The following ORC4 variants were observed in gnomAD, a reference collection of about 807,000 sequenced individuals.
ORC4 encodes origin recognition complex, subunit 4 homolog.
In ORC4, 55 loss-of-function variants were observed where a neutral mutation model predicts 63.9. The observed-to-expected ratio is 0.86, with a 90% CI of 0.69 to 1.08. The LOEUF (loss-of-function observed/expected upper bound fraction) is 1.08. Ranked by LOEUF, ORC4 falls within the 50% of genes least tolerant of loss-of-function variation. The probability of loss-of-function intolerance (pLI) is 0.00; values close to 1 mark genes in which losing one functional copy is unlikely to be tolerated. For synonymous variants in ORC4, 150 were observed against 168.5 expected (o/e 0.89, Z 0.85); for missense variants, 511 against 504.4 (o/e 1.01, Z -0.13).
intron 9 of ORC4, 64 bp downstream of exon 9, chr2:147,947,987 T>G: frequency 7.7e-7 from 1 of 1,292,852 alleles, no homozygotes; most frequent in Non-Finnish European, 1.1e-6. Flanking sequence ...TTTCTAAAAT[T>G]TGTGTTTTAA....
intron 1 of ORC4, among the ~76,000 whole-genome samples, chr2:148,018,725 C>A (rs1693472775): frequency 6.6e-6 from 1 of 152,018 alleles, no homozygotes; most frequent in African/African-American, 2.4e-5. Context: ...ACAGGCAAAA[C>A]GAACCTAAAT....
Position 147,932,174 on chromosome 2 carries a change from G to C in ORC4, c.*3336C>G, listed in dbSNP as rs1173082403. On this transcript the variant is annotated 3_prime_UTR_variant, in exon 14 of 14. Coordinates refer to ENST00000392857, the MANE Select transcript of ORC4 (RefSeq NM_181741.4). ...TATACACCAACAACAGACAAACAGA[G>C]AGCCAAATCATGAGTGAACTCCCAT... The C allele has an allele frequency of 6.7e-6, 1 of 148,882 alleles. No individual in the cohort carries two copies. Among genetic ancestry groups the C allele is most frequent in the African/African-American group, 2.5e-5 (1 of 40,660 alleles). 9.2% of individuals were successfully genotyped at this position (148,882 alleles called of 1,614,324 possible).
rs939129723 is a variant in ORC4 at position 147,934,108 on chromosome 2, T to G, written c.*1402A>C. On this transcript the variant is annotated 3_prime_UTR_variant, in exon 14 of 14. Coordinates refer to ENST00000392857, the MANE Select transcript of ORC4 (RefSeq NM_181741.4). ...GCACTGGCTTTGGTGCTAAACTGAGTTGAATTCCAAGCCTGTTGGCCATTC... is the reference window on the plus strand; with the variant it reads ...GCACTGGCTTTGGTGCTAAACTGAGGTGAATTCCAAGCCTGTTGGCCATTC... The G allele has an allele frequency of 1.3e-5, 2 of 152,162 alleles. No individual in the cohort carries two copies. Among genetic ancestry groups the G allele is most frequent in the African/African-American group, 4.8e-5 (2 of 41,440 alleles). 9.4% of individuals were successfully genotyped at this position (152,162 alleles called of 1,614,324 possible).
intron 1 of ORC4, among the ~76,000 whole-genome samples, chr2:147,997,359 A>G (rs1408158565): frequency 3.9e-5 from 6 of 152,174 alleles, no homozygotes; most frequent in Non-Finnish European, 8.8e-5. Context: ...TAGAATGTAC[A>G]AAACAAAGAA....
chr2:147,972,957 C>A, intron 3 of ORC4, 128 bp from the exon 4 acceptor site: 1 of 650,430 alleles, frequency 1.5e-6, no homozygotes. Flanking sequence ...GGGTACTTGG[C>A]CTAGCTTCTG....
chr2:148,020,711 T>G lies in ORC4; in HGVS notation c.-96A>C, dbSNP rs1693659962. 1 of 152,448 alleles carries G rather than the reference T, an allele frequency of 6.6e-6. No individual in the cohort carries two copies. Among genetic ancestry groups the G allele is most frequent in the Non-Finnish European group, 1.5e-5 (1 of 68,222 alleles). 9.4% of individuals were successfully genotyped at this position (152,448 alleles called of 1,614,324 possible). A position where few individuals can be genotyped will look rare whatever the true frequency, so the allele number is the denominator to read the frequency against. ...GCCGCGTCCTCTGCTAGACTTCACCTGCCGCTGCGGACCGTACACAACCAC... is the reference window on the plus strand; with the variant it reads ...GCCGCGTCCTCTGCTAGACTTCACCGGCCGCTGCGGACCGTACACAACCAC... On this transcript the variant is annotated 5_prime_UTR_variant, in exon 1 of 14. Coordinates refer to ENST00000392857, the MANE Select transcript of ORC4 (RefSeq NM_181741.4).
At chr2:148,007,987 C>A (rs891678327) in intron 1 of ORC4, among the ~76,000 whole-genome samples, 5 of 152,146 alleles carry the variant, frequency 3.3e-5, no homozygotes, top group African/African-American at 1.2e-4. Flanking sequence ...CAAGTAACCA[C>A]GGTTTTTGTA....
chr2:147,938,311 T>C lies in ORC4; in HGVS notation c.1041A>G (p.Gln347=), dbSNP rs1688171194. 1 of 1,605,874 alleles carries C rather than the reference T, an allele frequency of 6.2e-7. No homozygotes were observed. Among genetic ancestry groups the C allele is most frequent in the Non-Finnish European group, 8.5e-7 (1 of 1,173,256 alleles). ...DIYEEEPFNF[Q]MVYNEFQKFV... is the part of the protein sequence containing the mutation. ...GTCTCATCTCACCATTATAGACCAT[T>C]TGAAAATTAAATGGCTCTTCCTCAT... is the stretch of plus-strand genomic sequence containing the variant. The change falls in exon 12 of 14, where the codon CAA becomes CAG. Residue 347 remains glutamine (Q), a synonymous_variant. Transcript: ENST00000392857.
At chr2:148,001,081 T>C (rs1692271991) in intron 1 of ORC4, among the ~76,000 whole-genome samples, 1 of 152,124 alleles carries the variant, frequency 6.6e-6, no homozygotes, top group African/African-American at 2.4e-5. Context: ...AGCTACCTTG[T>C]CCAACATCAC....
intron 1 of ORC4, among the ~76,000 whole-genome samples, chr2:147,983,358 CTT>C (rs1691002132): frequency 6.6e-6 from 1 of 152,206 alleles, no homozygotes; most frequent in South Asian, 2.1e-4. Flanking sequence ...TCCACTGATG[CTT>C]TGTCACTGAA....
At chr2:147,946,094 A>C (rs1688643257) in intron 9 of ORC4, among the ~76,000 whole-genome samples, 1 of 152,112 alleles carries the variant, frequency 6.6e-6, no homozygotes, top group Non-Finnish European at 1.5e-5. Context: ...TAGATTAGTT[A>C]TGCTACTAAC....
intron 4 of ORC4, among the ~76,000 whole-genome samples, chr2:147,971,737 A>G (rs948403515): frequency 6.6e-6 from 1 of 152,240 alleles, no homozygotes; most frequent in Middle Eastern, 3.4e-3. Context: ...TAGTGATTAT[A>G]GAAGCTGAGT....
intron 1 of ORC4, among the ~76,000 whole-genome samples, chr2:147,992,849 A>C (rs1691704953): frequency 6.6e-6 from 1 of 152,178 alleles, no homozygotes; most frequent in Non-Finnish European, 1.5e-5. Context: ...AGTCCACAGA[A>C]ACCAGAACTC....
intron 1 of ORC4, among the ~76,000 whole-genome samples, chr2:148,009,956 A>G (rs1354001208): frequency 2.0e-5 from 3 of 152,200 alleles, no homozygotes; most frequent in African/African-American, 7.2e-5. Flanking sequence ...AGAAATCCAA[A>G]AAGAGCACCA....
At chr2:148,021,432 T>C, upstream of ORC4, 1 of 546,522 alleles carries the variant, frequency 1.8e-6, no homozygotes, top group South Asian at 1.5e-5. Context: ...ACCAAAAGCC[T>C]CTTAGCAACA....
In ORC4 at chr2:147,938,143, T is replaced by C. The variant is rs1688158527; in HGVS notation, c.1122+3A>G. On this transcript the variant is annotated splice_donor_region_variant and intron_variant, in intron 13 of 13. Transcript: ENST00000392857. ...AGAAAAATGACAGCAAACTAAATCT[T>C]ACCTTCATGACAACAGGTTTTTCAA... 1.3e-6 allele frequency: 2 copies of C among 1,599,172 alleles called. No homozygotes were observed. Among genetic ancestry groups the C allele is most frequent in the Non-Finnish European group, 1.7e-6 (2 of 1,166,936 alleles).
intron 7 of ORC4, among the ~76,000 whole-genome samples, 176 bp downstream of exon 7, chr2:147,955,171 A>G (rs967630186): frequency 6.6e-6 from 1 of 151,866 alleles, no homozygotes; most frequent in Admixed American, 6.6e-5. Flanking sequence ...ACCAAATGCT[A>G]ATTGAGATAA....
chr2:147,979,140 A>G (rs1005876070), intron 1 of ORC4, among the ~76,000 whole-genome samples: 8 of 152,178 alleles, frequency 5.3e-5, no homozygotes, highest in African/African-American at 9.6e-5. Context: ...AATAAATAAA[A>G]GGCATCCAAA....
At chr2:147,985,839 T>C (rs750257120) in intron 1 of ORC4, among the ~76,000 whole-genome samples, 1 of 152,096 alleles carries the variant, frequency 6.6e-6, no homozygotes, top group Non-Finnish European at 1.5e-5. Context: ...CTGCCCAAGA[T>C]GACATAGCTT....
Sources: gnomAD v4.1 joint callset for allele counts (sites outside exome capture counted in the v4.1 genomes callset) on GRCh38, gnomAD v4.1.1 for gene constraint, MANE v1.5 for transcripts, NCBI Gene and HGNC (gene_info 2026-07-23, HGNC 2026-07-21) for gene names.